RASA3: variants seen among roughly 807,000 people sequenced by gnomAD.
RASA3 encodes the protein RAS p21 protein activator 3, also known as ras GTPase-activating protein 3.
RASA3 carries 73 observed loss-of-function variants against 110.0 expected under a neutral mutation model. That is an observed-to-expected ratio of 0.66 (90% CI 0.55 to 0.81). RASA3 has a LOEUF of 0.81. Ranked by LOEUF, RASA3 falls within the 30% of genes least tolerant of loss-of-function variation. The pLI is 0.00. For missense variants in RASA3, 976 were observed against 1,113.2 expected, an observed-to-expected ratio of 0.88 and a Z score of 1.75; for synonymous variants, 500 against 451.4, an observed-to-expected ratio of 1.11 and a Z score of -1.37.
chr13:114,090,743 C>A (rs2079880600), intron 1 of RASA3, among the ~76,000 whole-genome samples: 1 of 152,220 alleles, frequency 6.6e-6, no homozygotes, highest in Non-Finnish European at 1.5e-5. Context: ...CAGACCCTTG[C>A]TTCCTCTAAA....
chr13:114,018,323 C>T, intron 10 of RASA3, 71 bp from the exon 11 acceptor site: 3 of 1,480,078 alleles, frequency 2.0e-6, no homozygotes, highest in South Asian at 1.3e-5. Context: ...CCCACCTTGG[C>T]TGGGGTCTCA....
At chr13:114,127,086 A>G (rs900871858) in intron 1 of RASA3, among the ~76,000 whole-genome samples, 2 of 152,230 alleles carry the variant, frequency 1.3e-5, no homozygotes, top group Non-Finnish European at 2.9e-5. Context: ...ACACACGTCT[A>G]TGTTTAAAAC....
intron 2 of RASA3, among the ~76,000 whole-genome samples, chr13:114,069,198 A>G (rs948358120): frequency 1.1e-4 from 16 of 152,034 alleles, no homozygotes; most frequent in African/African-American, 2.9e-4. Flanking sequence ...CTTCCTGCTA[A>G]GTCAGACGGC....
intron 2 of RASA3, among the ~76,000 whole-genome samples, chr13:114,055,171 G>A (rs1258259243): frequency 6.6e-6 from 1 of 152,140 alleles, no homozygotes; most frequent in Non-Finnish European, 1.5e-5. Flanking sequence ...CGTGTGCATG[G>A]GTGTGTGCAT....
intron 20 of RASA3, among the ~76,000 whole-genome samples, chr13:113,997,231 G>C (rs1344180482): frequency 6.6e-6 from 1 of 152,158 alleles, no homozygotes; most frequent in Non-Finnish European, 1.5e-5. Context: ...CTGGGGTTAG[G>C]GGGCTGCTTC....
At chr13:114,081,154 G>A (rs1034195394) in intron 1 of RASA3, among the ~76,000 whole-genome samples, 3 of 139,320 alleles carry the variant, frequency 2.2e-5, no homozygotes, top group African/African-American at 6.1e-5. Flanking sequence ...CCAGTTACAC[G>A]CTCCTGGTGC....
intron 7 of RASA3, 106 bp downstream of exon 7, chr13:114,027,283 G>C: frequency 9.7e-7 from 1 of 1,035,978 alleles, no homozygotes; most frequent in East Asian, 2.6e-5. Context: ...CTCTCCGGAA[G>C]GAACTTCCAG....
At chr13:114,063,947 C>A (rs2079403587) in intron 2 of RASA3, among the ~76,000 whole-genome samples, 1 of 152,218 alleles carries the variant, frequency 6.6e-6, no homozygotes, top group Non-Finnish European at 1.5e-5. Context: ...TTTTAAATCT[C>A]ATTTTTTCTT....
At chr13:114,069,040 C>T (rs947201233) in intron 2 of RASA3, among the ~76,000 whole-genome samples, 3 of 152,122 alleles carry the variant, frequency 2.0e-5, no homozygotes, top group South Asian at 2.1e-4. Flanking sequence ...GCCTCGGACG[C>T]GCGGCCCAGG....
intron 1 of RASA3, among the ~76,000 whole-genome samples, chr13:114,078,327 T>C (rs954018561): frequency 8.9e-6 from 1 of 111,776 alleles, no homozygotes; most frequent in Non-Finnish European, 1.8e-5. Flanking sequence ...CGTTTTCTCT[T>C]TTTTTTCTGG....
In RASA3 at chr13:114,126,367, A is replaced by G. The variant is rs77277872; in HGVS notation, c.55+6068T>C. Reference sequence around the variant, plus strand: ...AACTTATCTGGGCCCCTCAAAGGCCAGGCCGTGCATCTCATAACACCAGCC... The same window carrying G: ...AACTTATCTGGGCCCCTCAAAGGCCGGGCCGTGCATCTCATAACACCAGCC... On this transcript the variant is annotated intron_variant, in intron 1 of 23. Coordinates refer to ENST00000334062, the MANE Select transcript of RASA3 (RefSeq NM_007368.4). Among the ~76,000 whole-genome samples, 956 of 152,314 alleles carry G rather than the reference A, an allele frequency of 6.3e-3. 6 individuals carry two copies. The highest frequency in any genetic ancestry group is 0.022 in the African/African-American group (908 of 41,560).
At chr13:113,991,746 G>C (rs1404711770) in intron 22 of RASA3, among the ~76,000 whole-genome samples, 1 of 152,228 alleles carries the variant, frequency 6.6e-6, no homozygotes, top group Non-Finnish European at 1.5e-5. Flanking sequence ...ACATTGAATT[G>C]CTTTACAGAA....
At chr13:114,029,949 C>G (rs917006471) in intron 4 of RASA3, 62 bp from the exon 5 acceptor site, 6 of 1,467,008 alleles carry the variant, frequency 4.1e-6, no homozygotes, top group Non-Finnish European at 5.5e-6. Context: ...CCACTAGGGC[C>G]GCGCGCCCAG....
At chr13:114,098,548 G>A (rs1351663160) in intron 1 of RASA3, among the ~76,000 whole-genome samples, 1 of 152,122 alleles carries the variant, frequency 6.6e-6, no homozygotes, top group African/African-American at 2.4e-5. Context: ...GTGGGCTGGG[G>A]TCAGGACGTT....
intron 1 of RASA3, among the ~76,000 whole-genome samples, chr13:114,083,488 G>A (rs9525388): frequency 0.4 from 60,828 of 151,246 alleles, 14,527 homozygotes; most frequent in Non-Finnish European, 0.54. Context: ...CAGCAATGGC[G>A]TGCCGTGAAA....
At chr13:114,070,689 G>A (rs550358094) in intron 2 of RASA3, among the ~76,000 whole-genome samples, 106 of 147,408 alleles carry the variant, frequency 7.2e-4, no homozygotes, top group African/African-American at 2.3e-3. Context: ...GGCTGCCGGC[G>A]TCCACGCTAA....
rs767116227 is a variant in RASA3, at chr13:114,017,482, T to A, written c.1092-131A>T. 807 of 737,342 alleles carry A rather than the reference T, an allele frequency of 1.1e-3. 6 individuals carry two copies. Among genetic ancestry groups the A allele is most frequent in the Middle Eastern group, 1.6e-3 (6 of 3,818 alleles). 45.7% of individuals were successfully genotyped at this position (737,342 alleles called of 1,614,324 possible). ...ACGCCCATCAGTCGGCTTCCTGACA[T>A]TTTACAAGGAGCACAACCAGGCCAG... is the stretch of plus-strand genomic sequence containing the variant. On this transcript the variant is annotated intron_variant, in intron 11 of 23. Coordinates refer to ENST00000334062, the MANE Select transcript of RASA3 (RefSeq NM_007368.4).
At chr13:113,993,499 TTTGTG>T (rs1383271014) in intron 21 of RASA3, among the ~76,000 whole-genome samples, 12 of 151,862 alleles carry the variant, frequency 7.9e-5, no homozygotes, top group Non-Finnish European at 1.2e-4. Flanking sequence ...TAAATCTTAC[TTTGTG>T]TTATTATGAA....
intron 21 of RASA3, among the ~76,000 whole-genome samples, chr13:113,994,430 T>A (rs2053188080): frequency 6.6e-6 from 1 of 152,064 alleles, no homozygotes; most frequent in Non-Finnish European, 1.5e-5. Flanking sequence ...CAGTGAGAGC[T>A]TAAACATCTA....
Sources: allele counts gnomAD v4.1 joint callset (sites outside exome capture counted in the v4.1 genomes callset), GRCh38; gene constraint gnomAD v4.1.1; transcripts MANE v1.5; gene names NCBI Gene and HGNC (gene_info 2026-07-23, HGNC 2026-07-21).